Variants in GRIK2 observed in about 807,000 individuals in gnomAD.
GRIK2 encodes glutamate ionotropic receptor kainate type subunit 2.
GRIK2 carries 32 observed loss-of-function variants against 100.3 expected under a neutral mutation model. The ratio of observed to expected loss-of-function variants is 0.32; its 90% CI spans 0.24 to 0.43. The LOEUF (loss-of-function observed/expected upper bound fraction) is 0.43, where lower values mean the gene tolerates loss of function less well. Ranked by LOEUF, GRIK2 falls within the 20% of genes least tolerant of loss-of-function variation. The pLI, the probability that GRIK2 is intolerant of heterozygous loss-of-function variation, is 1.00. For missense variants in GRIK2, 843 were observed against 1,114.9 expected, an observed-to-expected ratio of 0.76 and a Z score of 3.47; for synonymous variants, 417 against 389.4, an observed-to-expected ratio of 1.07 and a Z score of -0.83.
chr6:101,625,394 A>G (rs1780383818), intron 3 of GRIK2, among the ~76,000 whole-genome samples: 1 of 149,252 alleles, frequency 6.7e-6, no homozygotes, highest in Non-Finnish European at 1.5e-5. Context: ...TAATAAATAA[A>G]TAAATAAATA....
intron 10 of GRIK2, among the ~76,000 whole-genome samples, chr6:101,844,847 A>G (rs1783714663): frequency 6.6e-6 from 1 of 152,178 alleles, no homozygotes; most frequent in Non-Finnish European, 1.5e-5. Context: ...TACATGATGC[A>G]AAATTCATCA....
At chr6:101,472,109 A>T (rs192605400) in intron 2 of GRIK2, among the ~76,000 whole-genome samples, 1 of 151,882 alleles carries the variant, frequency 6.6e-6, no homozygotes, top group Non-Finnish European at 1.5e-5. Context: ...TATTTGCCAT[A>T]GAGCAATAAT....
chr6:101,533,279 T>C lies in GRIK2; in HGVS notation c.116-88670T>C, dbSNP rs531682266. 7.9e-5 allele frequency among the ~76,000 whole-genome samples: 12 copies of C among 152,022 alleles called. No individual in the cohort carries two copies. In the Middle Eastern group the frequency reaches 0.014, roughly 172 times the overall value. ...AGTGATGCTTTAGTTGGATTAAGTTTACCTGACTACAAGAAGTGAGAAAGT... is the reference window on the plus strand; with the variant it reads ...AGTGATGCTTTAGTTGGATTAAGTTCACCTGACTACAAGAAGTGAGAAAGT... On this transcript the variant is annotated intron_variant, in intron 2 of 16. Transcript: ENST00000369134.
At chr6:101,684,071 T>A (rs1356243295) in intron 6 of GRIK2, among the ~76,000 whole-genome samples, 1 of 152,174 alleles carries the variant, frequency 6.6e-6, no homozygotes, top group African/African-American at 2.4e-5. Context: ...CCAAAGGAGA[T>A]TATTCATGCA....
At chr6:101,595,718 G>A (rs2852581) in intron 2 of GRIK2, among the ~76,000 whole-genome samples, 47,404 of 119,964 alleles carry the variant, frequency 0.4, 9,069 homozygotes, top group South Asian at 0.5. Context: ...GTGTGTGTGT[G>A]TATATATATA....
chr6:101,856,327 T>A (rs1450031624), intron 10 of GRIK2, among the ~76,000 whole-genome samples: 3 of 152,092 alleles, frequency 2.0e-5, no homozygotes, highest in African/African-American at 7.2e-5. Flanking sequence ...TGTAAAAGTT[T>A]TGGGGAAAAC....
intron 9 of GRIK2, among the ~76,000 whole-genome samples, chr6:101,806,925 G>T (rs995358723): frequency 1.3e-5 from 2 of 151,614 alleles, no homozygotes; most frequent in African/African-American, 4.8e-5. Context: ...TAGCCAGAGT[G>T]CAAGACCTAC....
chr6:101,579,646 A>G (rs912035161), intron 2 of GRIK2, among the ~76,000 whole-genome samples: 4 of 151,964 alleles, frequency 2.6e-5, no homozygotes, highest in Admixed American at 2.6e-4. Context: ...AGGTCAAGAG[A>G]TCAAGGCCAT....
In GRIK2 at chr6:101,991,387, C is replaced by T. The variant is rs573345367; in HGVS notation, c.2086-43954C>T. 5.7e-3 allele frequency among the ~76,000 whole-genome samples: 520 copies of T among 91,300 alleles called. 5 individuals carry two copies. The highest frequency in any genetic ancestry group is 0.013 in the African/African-American group (462 of 34,636). The allele number at this position is 91,300 out of a possible 152,430, so 59.9% of individuals were successfully genotyped here. On this transcript the variant is annotated intron_variant, in intron 14 of 16. Coordinates refer to ENST00000369134, the MANE Select transcript of GRIK2 (RefSeq NM_021956.5). Reference sequence around the variant, plus strand: ...ACTCCAAAGCCTAGTATCTTATTTGCTATGTTTTTTTTTTTACAATTTGTT... The same window carrying T: ...ACTCCAAAGCCTAGTATCTTATTTGTTATGTTTTTTTTTTTACAATTTGTT...
chr6:101,624,812 A>G (rs902450420), intron 3 of GRIK2, among the ~76,000 whole-genome samples: 1 of 151,944 alleles, frequency 6.6e-6, no homozygotes. Context: ...GCTCACTGCA[A>G]CCTCAATGTC....
At chr6:101,795,604 T>C (rs1419519971) in intron 7 of GRIK2, among the ~76,000 whole-genome samples, 1 of 152,170 alleles carries the variant, frequency 6.6e-6, no homozygotes, top group African/African-American at 2.4e-5. Context: ...GCATGAGAAA[T>C]AGCAGTAGTG....
chr6:101,594,858 T>A (rs501476), intron 2 of GRIK2, among the ~76,000 whole-genome samples: 56,654 of 151,328 alleles, frequency 0.37, 11,483 homozygotes, highest in African/African-American at 0.54. Flanking sequence ...TCAGAATTGG[T>A]GAGACATCTT....
chr6:101,542,390 C>A (rs1462972014), intron 2 of GRIK2, among the ~76,000 whole-genome samples: 2 of 152,002 alleles, frequency 1.3e-5, no homozygotes, highest in Admixed American at 6.6e-5. Flanking sequence ...CTATCACCAG[C>A]AATTCAGGGC....
chr6:101,595,706 G>GTATATATATA lies in GRIK2; in HGVS notation c.116-26242_116-26241insATATATATAT, dbSNP rs1417393124. The stretch of plus-strand genomic sequence containing the variant: ...TGTGCATGTATATATATATGTGTGT[G>GTATATATATA]TGTGTGTGTGTGTATATATATATAT... On this transcript the variant is annotated intron_variant, in intron 2 of 16. Transcript: ENST00000369134. Among the ~76,000 whole-genome samples, 125 of 125,350 alleles carry GTATATATATA rather than the reference G, an allele frequency of 1.0e-3. 1 individual carries two copies. Among genetic ancestry groups the GTATATATATA allele is most frequent in the Middle Eastern group, 4.0e-3 (1 of 248 alleles). 82.2% of individuals were successfully genotyped at this position (125,350 alleles called of 152,430 possible).
chr6:101,523,295 C>T (rs956582026), intron 2 of GRIK2, among the ~76,000 whole-genome samples: 3 of 151,952 alleles, frequency 2.0e-5, no homozygotes, highest in South Asian at 2.1e-4. Context: ...ATGGTAAAGA[C>T]GATGCTAGGA....
intron 15 of GRIK2, among the ~76,000 whole-genome samples, chr6:102,047,584 C>G (rs1306114041): frequency 6.6e-6 from 1 of 151,792 alleles, no homozygotes; most frequent in African/African-American, 2.4e-5. Context: ...CCCATCTCTA[C>G]TAAAAATACA....
At chr6:101,546,987 C>T (rs1238194033) in intron 2 of GRIK2, among the ~76,000 whole-genome samples, 3 of 150,148 alleles carry the variant, frequency 2.0e-5, no homozygotes, top group Non-Finnish European at 3.0e-5. Context: ...CCCGCCACTA[C>T]GCCCAGCTAA....
At chr6:101,828,923 A>G (rs1236226208) in intron 10 of GRIK2, among the ~76,000 whole-genome samples, 2 of 152,002 alleles carry the variant, frequency 1.3e-5, no homozygotes, top group Non-Finnish European at 2.9e-5. Flanking sequence ...ATAAAGCAGC[A>G]TAATCCTGAT....
At chr6:101,796,807 A>G (rs1398535152) in intron 7 of GRIK2, among the ~76,000 whole-genome samples, 5 of 152,130 alleles carry the variant, frequency 3.3e-5, no homozygotes, top group Non-Finnish European at 7.4e-5. Context: ...TACCCTTCCA[A>G]GTAGCTGGGC....
Sources: gnomAD v4.1 joint callset for allele counts (sites outside exome capture counted in the v4.1 genomes callset) on GRCh38, gnomAD v4.1.1 for gene constraint, MANE v1.5 for transcripts, NCBI Gene and HGNC (gene_info 2026-07-23, HGNC 2026-07-21) for gene names.